PDE2A: variants seen among roughly 807,000 people sequenced by gnomAD.
PDE2A encodes the protein phosphodiesterase 2A.
A neutral mutation model predicts 133.6 loss-of-function variants in PDE2A; 53 were observed. That is an observed-to-expected ratio of 0.40 (90% CI 0.32 to 0.50). The LOEUF is 0.50. Ranked by LOEUF, PDE2A falls within the 20% of genes least tolerant of loss-of-function variation. The pLI, the probability that PDE2A is intolerant of heterozygous loss-of-function variation, is 0.73. For missense variants in PDE2A, 796 were observed against 1,232.4 expected, an observed-to-expected ratio of 0.65 and a Z score of 5.30; for synonymous variants, 491 against 490.2, an observed-to-expected ratio of 1.00 and a Z score of -0.02.
At chr11:72,580,450 G>T in intron 25 of PDE2A, 127 bp downstream of exon 25, 1 of 743,154 alleles carries the variant, frequency 1.3e-6, no homozygotes, top group Non-Finnish European at 2.4e-6. Context: ...ACATGTCCTA[G>T]GTGTGGCTGC....
intron 21 of PDE2A, 45 bp from the exon 22 acceptor site, chr11:72,581,992 GA>G: frequency 6.6e-7 from 1 of 1,504,434 alleles, no homozygotes. Flanking sequence ...CCAGTATCAA[GA>G]CGGGGCCCTT....
chr11:72,591,123 A>G (rs1037823998), intron 7 of PDE2A, 174 bp downstream of exon 7: 7 of 644,168 alleles, frequency 1.1e-5, no homozygotes, highest in Non-Finnish European at 2.0e-5. Context: ...CCCCATTTTC[A>G]GGTGTGAAAC....
chr11:72,628,303 C>T (rs1442073048), intron 2 of PDE2A, among the ~76,000 whole-genome samples: 1 of 151,906 alleles, frequency 6.6e-6, no homozygotes, highest in Non-Finnish European at 1.5e-5. Context: ...TGTTGAATAA[C>T]AGTGATTACA....
chr11:72,615,003 C>T (rs528345244), intron 2 of PDE2A: 6 of 418,714 alleles, frequency 1.4e-5, no homozygotes, highest in South Asian at 5.0e-5. Flanking sequence ...TACCCCCTCC[C>T]GCTCCATGCC....
At chr11:72,649,550 T>C (rs925682279) in intron 1 of PDE2A, among the ~76,000 whole-genome samples, 2 of 152,246 alleles carry the variant, frequency 1.3e-5, no homozygotes, top group African/African-American at 4.8e-5. Flanking sequence ...CAGGGACGTC[T>C]GGAAGGTGGG....
At chr11:72,639,240 G>T (rs916343670) in intron 2 of PDE2A, among the ~76,000 whole-genome samples, 16 of 152,326 alleles carry the variant, frequency 1.1e-4, no homozygotes, top group African/African-American at 3.4e-4. Flanking sequence ...TTTCAGATAA[G>T]TGTCTCTGTG....
intron 2 of PDE2A, among the ~76,000 whole-genome samples, chr11:72,641,467 A>G (rs889824190): frequency 2.6e-5 from 4 of 152,234 alleles, no homozygotes; most frequent in Admixed American, 2.6e-4. Flanking sequence ...ACCTAGAGAA[A>G]CAGGAGAGAG....
intron 18 of PDE2A, 92 bp downstream of exon 18, chr11:72,584,459 G>A (rs1440866135): frequency 1.4e-6 from 2 of 1,423,478 alleles, no homozygotes; most frequent in South Asian, 1.2e-5. Context: ...CCGGGACGCT[G>A]GAGGCGGTGG....
At chr11:72,632,625 C>T (rs1858463604) in intron 2 of PDE2A, among the ~76,000 whole-genome samples, 1 of 152,168 alleles carries the variant, frequency 6.6e-6, no homozygotes, top group Non-Finnish European at 1.5e-5. Context: ...GAGATAAGTG[C>T]CTGACCCAGG....
chr11:72,660,436 A>G (rs1365979424), intron 1 of PDE2A, among the ~76,000 whole-genome samples: 1 of 152,140 alleles, frequency 6.6e-6, no homozygotes, highest in African/African-American at 2.4e-5. Context: ...AGGACTCACT[A>G]GGCACCTTCT....
Position 72,579,106 on chromosome 11 carries a change from T to C in PDE2A, c.2357-97A>G, listed in dbSNP as rs139135422. 998 of 1,011,836 alleles carry C rather than the reference T, an allele frequency of 9.9e-4. 12 individuals are homozygous for C. In the East Asian group the frequency reaches 0.024, roughly 24 times the overall value. The allele number at this position is 1,011,836 out of a possible 1,614,324, so 62.7% of individuals were successfully genotyped here. On this transcript the variant is annotated intron_variant, in intron 27 of 30. Transcript: ENST00000334456. ...GCCCAACCCAGAGCGGTCCAGGGAA[T>C]TGGGCACCCTTGATGGGAGCCAAGG...
chr11:72,582,655 G>C, intron 20 of PDE2A, 89 bp from the exon 21 acceptor site: 1 of 1,330,338 alleles, frequency 7.5e-7, no homozygotes, highest in Non-Finnish European at 1.0e-6. Context: ...TGGGGGATCC[G>C]TCACCCAGAA....
chr11:72,626,221 ATC>A (rs1275657139), intron 2 of PDE2A, among the ~76,000 whole-genome samples: 1 of 152,186 alleles, frequency 6.6e-6, no homozygotes, highest in Non-Finnish European at 1.5e-5. Context: ...TGCGATGCCC[ATC>A]TCTCTCTTTA....
At chr11:72,644,876 C>T (rs568997659) in intron 1 of PDE2A, among the ~76,000 whole-genome samples, 7 of 152,320 alleles carry the variant, frequency 4.6e-5, no homozygotes, top group African/African-American at 1.4e-4. Flanking sequence ...CCTGCCTCAG[C>T]CTCCCGAGTA....
intron 1 of PDE2A, among the ~76,000 whole-genome samples, chr11:72,664,668 CG>C (rs375713113): frequency 1.7e-3 from 257 of 151,564 alleles, no homozygotes; most frequent in African/African-American, 6.0e-3. Context: ...CCACCGTGCC[CG>C]GCCTCCCTGG....
chr11:72,579,374 G>A lies in PDE2A; in HGVS notation c.2266C>T (p.Arg756Cys), dbSNP rs138870390. The A allele has an allele frequency of 4.3e-6, 7 of 1,613,272 alleles. No individual in the cohort carries two copies. The African/African-American group carries it at 5.3e-5, about 12-fold the overall frequency. Residue 756 changes from arginine (R) to cysteine (C), a missense_variant, in exon 27 of 31, where the codon CGC becomes TGC. This residue lies in a region of PDE2A where 218 missense variants were observed against 465.9 expected (regional missense o/e 0.47). Transcript: ENST00000334456. ...ATGTCCCGCATCAGATCCAGCATGC[G>A]CTGATAGTCCTGAGGCGAGGGCAGG... ...FDHFSRKDYQ[R>C]MLDLMRDIIL...
chr11:72,671,515 T>A (rs1411356556), intron 1 of PDE2A, among the ~76,000 whole-genome samples: 1 of 151,918 alleles, frequency 6.6e-6, no homozygotes, highest in Non-Finnish European at 1.5e-5. Context: ...CCCCACCATT[T>A]GGCTAGATCC....
At chr11:72,582,007 T>A in intron 21 of PDE2A, 60 bp from the exon 22 acceptor site, 1 of 1,309,642 alleles carries the variant, frequency 7.6e-7, no homozygotes, top group Non-Finnish European at 1.1e-6. Flanking sequence ...GGCCCTTGCC[T>A]GGGTCCTTCT....
rs763624017 is a variant in PDE2A at position 72,577,460 on chromosome 11, T to A, written c.2750A>T (p.Asp917Val). The part of the protein sequence containing the change: ...LPSNNSLDFL[D>V]EEYEVPDLDG... ...CAGATCAGGCACCTCGTACTCCTCA[T>A]CCAGGAAGTCCAGCGAGTTGTTACT... is the stretch of plus-strand genomic sequence containing the variant. Residue 917 changes from aspartate to valine, a missense_variant, in exon 31 of 31, where the codon GAT (aspartate) becomes GTT (valine). Physicochemically the swap from Asp to Val is radical, Grantham distance 152. This residue lies in a region of PDE2A where 83 missense variants were observed against 99.0 expected (regional missense o/e 0.84). Transcript: ENST00000334456. 1 of 1,613,998 alleles carries A rather than the reference T, an allele frequency of 6.2e-7. No individual in the cohort carries two copies. Among genetic ancestry groups the A allele is most frequent in the Non-Finnish European group, 8.5e-7 (1 of 1,180,000 alleles).
Sources: gnomAD v4.1 joint callset for allele counts (sites outside exome capture counted in the v4.1 genomes callset) on GRCh38, gnomAD v4.1.1 for gene constraint, gnomAD v4.1.1 regional missense constraint, MANE v1.5 for transcripts, NCBI Gene and HGNC (gene_info 2026-07-23, HGNC 2026-07-21) for gene names.